ZSCAN21: variants seen among roughly 807,000 people sequenced by gnomAD.
The protein encoded by ZSCAN21 is zinc finger and SCAN domain containing 21, also known as zinc finger and SCAN domain-containing protein 21.
In ZSCAN21, 26 loss-of-function variants were observed where a neutral mutation model predicts 35.6. The ratio of observed to expected loss-of-function variants is 0.73; its 90% CI spans 0.54 to 1.01. The LOEUF (loss-of-function observed/expected upper bound fraction) is 1.01. Among genes scored for constraint, ZSCAN21 ranks in the 50% least tolerant of loss-of-function variants. The probability of loss-of-function intolerance (pLI) is 0.00; values close to 1 mark genes in which losing one functional copy is unlikely to be tolerated. For synonymous variants in ZSCAN21, 219 were observed against 219.3 expected (o/e 1.00, Z 0.01); for missense variants, 593 against 587.1 (o/e 1.01, Z -0.10).
chr7:100,056,050 C>T (rs1792063399), intron 1 of ZSCAN21, among the ~76,000 whole-genome samples: 1 of 152,158 alleles, frequency 6.6e-6, no homozygotes, highest in Admixed American at 6.6e-5. Flanking sequence ...ACACCATTCT[C>T]CTGCTCAGCC....
intron 1 of ZSCAN21, among the ~76,000 whole-genome samples, chr7:100,055,504 G>T (rs946055535): frequency 1.3e-5 from 2 of 152,130 alleles, no homozygotes. Flanking sequence ...GGCCTGCCTC[G>T]GACTCCCAGA....
intron 1 of ZSCAN21, among the ~76,000 whole-genome samples, chr7:100,055,108 A>G (rs1253883439): frequency 6.6e-6 from 1 of 151,190 alleles, no homozygotes; most frequent in Non-Finnish European, 1.5e-5. Context: ...GGTGTGCAAC[A>G]CCACACCCGC....
rs959852627 is a variant in ZSCAN21, at chr7:100,057,243, C to T, written c.237C>T (p.His79=). The T allele has an allele frequency of 6.8e-6, 11 of 1,613,826 alleles. No homozygotes were observed. The Admixed American group carries it at 1.8e-4, about 27-fold the overall frequency. Residue 79 remains histidine (H), a synonymous_variant, in exon 2 of 4, where the codon CAC becomes CAT. Coordinates refer to ENST00000292450, the MANE Select transcript of ZSCAN21 (RefSeq NM_145914.3). Reference sequence around the variant, plus strand: ...GTGAGTGGCTGAGGCCCGAGATCCACACCAAGGAGCAGATCCTGGAGCTAC... The same window carrying T: ...GTGAGTGGCTGAGGCCCGAGATCCATACCAAGGAGCAGATCCTGGAGCTAC... ...LCCEWLRPEI[H]TKEQILELLV... is the part of the protein sequence containing the mutation.
At position 100,056,833 on chromosome 7, in the gene ZSCAN21, C is replaced by G. The variant is rs998972886; in HGVS notation, c.-96-78C>G. On this transcript the variant is annotated intron_variant, in intron 1 of 3. Coordinates refer to ENST00000292450, the MANE Select transcript of ZSCAN21 (RefSeq NM_145914.3). ...ATGGTGGACATAATTTCCACAATTT[C>G]TTGTGTTAAAGGTATGGCTGTAAAG... is the stretch of plus-strand genomic sequence containing the variant. The G allele has an allele frequency of 4.8e-6, 3 of 618,586 alleles. No homozygotes were observed. In the Admixed American group the frequency reaches 8.3e-5, roughly 17 times the overall value. The allele number at this position is 618,586 out of a possible 1,614,324, so 38.3% of individuals were successfully genotyped here. A position where few individuals can be genotyped will look rare whatever the true frequency, so the allele number is the denominator to read the frequency against.
chr7:100,055,588 C>T (rs576596506), intron 1 of ZSCAN21, among the ~76,000 whole-genome samples: 12 of 150,464 alleles, frequency 8.0e-5, no homozygotes, highest in East Asian at 2.0e-4. Flanking sequence ...TTACACCCTT[C>T]GAGCATGACT....
intron 1 of ZSCAN21, among the ~76,000 whole-genome samples, chr7:100,054,838 CAAAAA>C (rs375324113): frequency 1.6e-5 from 1 of 63,042 alleles, no homozygotes; most frequent in East Asian, 4.3e-4. Flanking sequence ...GACGCTGTCT[CAAAAA>C]AAAAAAAAAA....
At chr7:100,056,708 C>T (rs1241940280) in intron 1 of ZSCAN21, among the ~76,000 whole-genome samples, 3 of 152,188 alleles carry the variant, frequency 2.0e-5, no homozygotes, top group Non-Finnish European at 4.4e-5. Context: ...ATGTGATCCA[C>T]CCGTCTCAGC....
At chr7:100,054,278 C>T (rs1256104362) in intron 1 of ZSCAN21, among the ~76,000 whole-genome samples, 2 of 150,902 alleles carry the variant, frequency 1.3e-5, no homozygotes, top group East Asian at 1.9e-4. Context: ...GCAACGGAGT[C>T]TCACTCTGTT....
chr7:100,060,178 T>A (rs138110208), intron 3 of ZSCAN21, among the ~76,000 whole-genome samples: 2 of 152,314 alleles, frequency 1.3e-5, no homozygotes, highest in African/African-American at 4.8e-5. Context: ...AAATGCTACT[T>A]AGAAAGATCA....
In ZSCAN21 at chr7:100,064,889, TA is replaced by T; in HGVS notation, c.*273del. On this transcript the variant is annotated 3_prime_UTR_variant, in exon 4 of 4. Coordinates refer to ENST00000292450, the MANE Select transcript of ZSCAN21 (RefSeq NM_145914.3). ...AGCCATGCCAGCATTACCTTTTGCG[TA>T]GTTAAACAGACGTGTATCCAGTCTA... 1 of 845,900 alleles carries T rather than the reference TA, an allele frequency of 1.2e-6. No homozygotes were observed. Among genetic ancestry groups the T allele is most frequent in the Non-Finnish European group, 1.6e-6 (1 of 608,006 alleles). The allele number at this position is 845,900 out of a possible 1,614,324, so 52.4% of individuals were successfully genotyped here.
At position 100,064,656 on chromosome 7, in the gene ZSCAN21, T is replaced by A. The variant is rs778878419; in HGVS notation, c.*39T>A. 7 of 1,603,040 alleles carry A rather than the reference T, an allele frequency of 4.4e-6. No homozygotes were observed. The African/African-American group carries it at 8.1e-5, about 18-fold the overall frequency. On this transcript the variant is annotated 3_prime_UTR_variant, in exon 4 of 4. Coordinates refer to ENST00000292450, the MANE Select transcript of ZSCAN21 (RefSeq NM_145914.3). ...CTGTTGTTGTCGTTGTTTTAAACTTTAGAATCTGAAAACCAGAAAGAAGTC... is the reference window on the plus strand; with the variant it reads ...CTGTTGTTGTCGTTGTTTTAAACTTAAGAATCTGAAAACCAGAAAGAAGTC...
At chr7:100,051,504 C>G (rs1306941620) in intron 1 of ZSCAN21, 1 of 151,686 alleles carries the variant, frequency 6.6e-6, no homozygotes, top group African/African-American at 2.4e-5. Flanking sequence ...CCGTGTTAGC[C>G]AGAATGGTCT....
intron 1 of ZSCAN21, among the ~76,000 whole-genome samples, chr7:100,054,532 G>T (rs1792006263): frequency 6.6e-6 from 1 of 152,082 alleles, no homozygotes; most frequent in East Asian, 1.9e-4. Flanking sequence ...TTACAGGCGT[G>T]AGTCACCGCA....
Position 100,057,326 on chromosome 7 carries a change from A to G in ZSCAN21, c.320A>G (p.Glu107Gly), listed in dbSNP as rs777234831. 1 of 1,610,264 alleles carries G rather than the reference A, an allele frequency of 6.2e-7. No individual in the cohort carries two copies. The highest frequency in any genetic ancestry group is 8.5e-7 in the Non-Finnish European group (1 of 1,178,462). The change falls in exon 2 of 4, where the codon GAG becomes GGG. Residue 107 changes from glutamate to glycine, a missense_variant. Glu to Gly is a moderately conservative substitution (Grantham distance 98). Transcript: ENST00000292450. ...LPQELQAWVQEHCPESAEEAV... is the reference protein window; with the variant it reads ...LPQELQAWVQGHCPESAEEAV... Reference sequence around the variant, plus strand: ...CAGGAGCTCCAGGCCTGGGTGCAGGAGCATTGCCCGGAGAGCGCTGAAGAG... The same window carrying G: ...CAGGAGCTCCAGGCCTGGGTGCAGGGGCATTGCCCGGAGAGCGCTGAAGAG...
At chr7:100,062,043 C>T (rs998897015) in intron 3 of ZSCAN21, among the ~76,000 whole-genome samples, 2 of 152,144 alleles carry the variant, frequency 1.3e-5, no homozygotes, top group African/African-American at 2.4e-5. Context: ...AAATGATGAG[C>T]GTGAAGCCCT....
chr7:100,057,405 G>A lies in ZSCAN21; in HGVS notation c.399G>A (p.Gln133=). 1.3e-6 allele frequency: 2 copies of A among 1,540,594 alleles called. No individual in the cohort carries two copies. The highest frequency in any genetic ancestry group is 2.3e-5 in the East Asian group (1 of 44,384). ...LERELDEPGH[Q]VSTPPNEQKP... is the part of the protein sequence containing the mutation. ...GGGAACTGGATGAGCCAGGACACCA[G>A]GTAGGCAGGAGAGACCTTTGTTATT... Residue 133 remains glutamine (Q), a splice_region_variant and synonymous_variant, in exon 2 of 4, where the codon CAG becomes CAA. Coordinates refer to ENST00000292450, the MANE Select transcript of ZSCAN21 (RefSeq NM_145914.3).
At chr7:100,058,129 T>C (rs1792148197) in intron 3 of ZSCAN21, among the ~76,000 whole-genome samples, 1 of 152,130 alleles carries the variant, frequency 6.6e-6, no homozygotes, top group Non-Finnish European at 1.5e-5. Context: ...GTATTACAAA[T>C]AATTTTTTTT....
chr7:100,052,876 C>T (rs751311071), intron 1 of ZSCAN21, among the ~76,000 whole-genome samples: 2 of 152,056 alleles, frequency 1.3e-5, no homozygotes, highest in African/African-American at 4.8e-5. Flanking sequence ...CGCCTGTAAT[C>T]CCAGCACTCT....
At chr7:100,061,191 C>CT (rs1419630589) in intron 3 of ZSCAN21, among the ~76,000 whole-genome samples, 1 of 152,148 alleles carries the variant, frequency 6.6e-6, no homozygotes, top group African/African-American at 2.4e-5. Flanking sequence ...CTGGTAAATT[C>CT]TTTTTCAATT....
Sources: allele counts gnomAD v4.1 joint callset (sites outside exome capture counted in the v4.1 genomes callset), GRCh38; gene constraint gnomAD v4.1.1; transcripts MANE v1.5; gene names NCBI Gene and HGNC (gene_info 2026-07-23, HGNC 2026-07-21).